EXOC4: variants seen among roughly 807,000 people sequenced by gnomAD.
EXOC4 encodes the protein exocyst complex component 4.
Under a neutral mutation model 107.2 loss-of-function variants are expected in EXOC4, and 71 were observed. The ratio of observed to expected loss-of-function variants is 0.66; its 90% CI spans 0.55 to 0.81. The LOEUF is 0.81. Among genes scored for constraint, EXOC4 ranks in the 30% least tolerant of loss-of-function variants. The pLI, the probability that EXOC4 is intolerant of heterozygous loss-of-function variation, is 0.00. For synonymous variants in EXOC4, 456 were observed against 441.2 expected (o/e 1.03, Z -0.42); for missense variants, 1,108 against 1,189.6 (o/e 0.93, Z 1.01).
intron 13 of EXOC4, among the ~76,000 whole-genome samples, chr7:133,928,605 G>A (rs75507881): frequency 0.017 from 2,573 of 152,000 alleles, 76 homozygotes; most frequent in African/African-American, 0.059. Context: ...CCCTCCTCCC[G>A]CTCCACGCTG....
In EXOC4 at chr7:133,612,287, C is replaced by T. The variant is rs369824343; in HGVS notation, c.1418-17758C>T. On this transcript the variant is annotated intron_variant, in intron 9 of 17. Transcript: ENST00000253861. ...TATCTTCATGGGCAGATTTCTGGAA[C>T]TTACTCTTACTTGCTGGTATATAGA... 3.3e-5 allele frequency among the ~76,000 whole-genome samples: 5 copies of T among 152,286 alleles called. No homozygotes were observed. The South Asian group carries it at 8.3e-4, about 25-fold the overall frequency.
At chr7:133,569,690 G>T (rs541895078) in intron 9 of EXOC4, among the ~76,000 whole-genome samples, 1 of 152,224 alleles carries the variant, frequency 6.6e-6, no homozygotes, top group South Asian at 2.1e-4. Context: ...GTTGGGTTTT[G>T]TTTCCAGAGA....
intron 11 of EXOC4, among the ~76,000 whole-genome samples, chr7:133,874,587 C>G (rs1798812020): frequency 6.6e-6 from 1 of 152,196 alleles, no homozygotes; most frequent in South Asian, 2.1e-4. Context: ...TTAGAGGGCT[C>G]CAGATCTCAC....
At chr7:133,660,778 A>G (rs1257203154) in intron 10 of EXOC4, among the ~76,000 whole-genome samples, 1 of 152,180 alleles carries the variant, frequency 6.6e-6, no homozygotes, top group Non-Finnish European at 1.5e-5. Context: ...AAAGTTGAGT[A>G]CAGAATTTGA....
intron 3 of EXOC4, among the ~76,000 whole-genome samples, chr7:133,294,217 GT>G (rs1794468504): frequency 6.6e-6 from 1 of 152,182 alleles, no homozygotes; most frequent in Non-Finnish European, 1.5e-5. Context: ...CTTCTTCCCA[GT>G]GGCATGAGCC....
chr7:133,621,984 C>T (rs1034074329), intron 9 of EXOC4, among the ~76,000 whole-genome samples: 3 of 152,050 alleles, frequency 2.0e-5, no homozygotes, highest in Admixed American at 2.0e-4. Flanking sequence ...TCTGTCCATC[C>T]ATCCAATAAA....
At chr7:133,591,045 T>C (rs1454556304) in intron 9 of EXOC4, among the ~76,000 whole-genome samples, 1 of 152,092 alleles carries the variant, frequency 6.6e-6, no homozygotes, top group African/African-American at 2.4e-5. Flanking sequence ...ACCTGTGTGC[T>C]CCCCTTCCTG....
intron 7 of EXOC4, among the ~76,000 whole-genome samples, chr7:133,421,014 G>A (rs1797592334): frequency 6.6e-6 from 1 of 151,782 alleles, no homozygotes; most frequent in South Asian, 2.1e-4. Context: ...TTTGATGATA[G>A]GGGTTGGTGT....
At chr7:133,542,716 C>T (rs1049567810) in intron 9 of EXOC4, among the ~76,000 whole-genome samples, 1 of 152,030 alleles carries the variant, frequency 6.6e-6, no homozygotes, top group Non-Finnish European at 1.5e-5. Flanking sequence ...GTATTGTCTT[C>T]TGAGCCCTAA....
chr7:133,666,735 A>G (rs1278146307), intron 10 of EXOC4, among the ~76,000 whole-genome samples: 1 of 152,180 alleles, frequency 6.6e-6, no homozygotes, highest in Non-Finnish European at 1.5e-5. Flanking sequence ...GTCACTAGGC[A>G]TGTAAGAGTG....
At chr7:133,559,326 C>T (rs1357799887) in intron 9 of EXOC4, among the ~76,000 whole-genome samples, 4 of 152,016 alleles carry the variant, frequency 2.6e-5, no homozygotes, top group Admixed American at 2.6e-4. Context: ...TTTGGTTAAG[C>T]TTTCTCTACA....
intron 7 of EXOC4, among the ~76,000 whole-genome samples, chr7:133,471,519 GGCAAACAATGAA>G (rs1798878193): frequency 6.6e-6 from 1 of 151,954 alleles, no homozygotes; most frequent in South Asian, 2.1e-4. Flanking sequence ...AGACAAGAGA[GGCAAACAATGAA>G]GCAAACAAAC....
chr7:133,549,314 G>A lies in EXOC4; in HGVS notation c.1417+69176G>A, dbSNP rs144819201. Among the ~76,000 whole-genome samples the A allele has an allele frequency of 6.5e-3, 982 of 152,230 alleles. 8 individuals carry two copies. The highest frequency in any genetic ancestry group is 9.9e-3 in the Non-Finnish European group (672 of 68,006). ...TCCTCTAGCTTTTACAGTGAGAGAC[G>A]TGTGACTTTTCCTTTCACTTGAACA... On this transcript the variant is annotated intron_variant, in intron 9 of 17. Transcript: ENST00000253861.
chr7:133,952,664 G>T (rs918053322), intron 14 of EXOC4, among the ~76,000 whole-genome samples: 1 of 151,928 alleles, frequency 6.6e-6, no homozygotes, highest in Non-Finnish European at 1.5e-5. Context: ...CTTCCCTCCA[G>T]CCCTTGGCAA....
intron 12 of EXOC4, among the ~76,000 whole-genome samples, chr7:133,914,427 T>C (rs1344466669): frequency 6.6e-6 from 1 of 152,132 alleles, no homozygotes; most frequent in Non-Finnish European, 1.5e-5. Context: ...GCAGAAGTTA[T>C]GCAAAGAACT....
chr7:133,573,101 G>A (rs1046714138), intron 9 of EXOC4, among the ~76,000 whole-genome samples: 1 of 152,212 alleles, frequency 6.6e-6, no homozygotes, highest in East Asian at 1.9e-4. Context: ...ATGTGGTCAT[G>A]TATAGCAGTG....
intron 14 of EXOC4, among the ~76,000 whole-genome samples, chr7:133,952,213 A>G (rs966386853): frequency 2.0e-5 from 3 of 152,178 alleles, no homozygotes; most frequent in Non-Finnish European, 4.4e-5. Flanking sequence ...AGTAAAAACT[A>G]TAACAAAAAT....
At chr7:133,947,557 A>G (rs572603131) in intron 14 of EXOC4, among the ~76,000 whole-genome samples, 1 of 152,338 alleles carries the variant, frequency 6.6e-6, no homozygotes, top group South Asian at 2.1e-4. Flanking sequence ...GCTATTGTTG[A>G]AAAACATGCC....
At chr7:133,762,607 T>G (rs1796055381) in intron 10 of EXOC4, among the ~76,000 whole-genome samples, 1 of 152,166 alleles carries the variant, frequency 6.6e-6, no homozygotes, top group Non-Finnish European at 1.5e-5. Flanking sequence ...GTTCACAATT[T>G]GTTTATAACA....
Sources: allele counts gnomAD v4.1 joint callset (sites outside exome capture counted in the v4.1 genomes callset), GRCh38; gene constraint gnomAD v4.1.1; transcripts MANE v1.5; gene names NCBI Gene and HGNC (gene_info 2026-07-23, HGNC 2026-07-21).